CLIC5: variants seen among roughly 807,000 people sequenced by gnomAD.
The protein encoded by CLIC5 is chloride intracellular channel protein 5.
CLIC5 carries 20 observed loss-of-function variants against 24.7 expected under a neutral mutation model. The ratio of observed to expected loss-of-function variants is 0.81; its 90% CI spans 0.57 to 1.18. The LOEUF (loss-of-function observed/expected upper bound fraction) is 1.18. Among genes scored for constraint, CLIC5 ranks in the 50% most tolerant of loss-of-function variants. The pLI, the probability that CLIC5 is intolerant of heterozygous loss-of-function variation, is 0.00. For synonymous variants in CLIC5, 159 were observed against 135.6 expected, an observed-to-expected ratio of 1.17 and a Z score of -1.20; for missense variants, 341 against 326.1, an observed-to-expected ratio of 1.05 and a Z score of -0.35.
At chr6:46,077,290 C>T (rs573544936) in intron 1 of CLIC5, among the ~76,000 whole-genome samples, 1 of 152,122 alleles carries the variant, frequency 6.6e-6, no homozygotes, top group South Asian at 2.1e-4. Context: ...ACATTCTCAC[C>T]AACATGTCTA....
At chr6:45,930,425 G>A (rs1029043076) in intron 4 of CLIC5, among the ~76,000 whole-genome samples, 1 of 152,162 alleles carries the variant, frequency 6.6e-6, no homozygotes, top group Admixed American at 6.5e-5. Flanking sequence ...TGGTGGACAT[G>A]CCCTTCCCTT....
intron 1 of CLIC5, among the ~76,000 whole-genome samples, chr6:45,989,065 T>A (rs1765839467): frequency 6.6e-6 from 1 of 152,224 alleles, no homozygotes; most frequent in African/African-American, 2.4e-5. Flanking sequence ...GAAGTGCTGA[T>A]GTGCAGGATT....
intron 1 of CLIC5, among the ~76,000 whole-genome samples, chr6:46,026,093 G>A (rs1409852016): frequency 6.6e-6 from 1 of 152,116 alleles, no homozygotes; most frequent in African/African-American, 2.4e-5. Flanking sequence ...TCCCTGGTAT[G>A]GCATGAGCTC....
intron 3 of CLIC5, among the ~76,000 whole-genome samples, chr6:45,943,829 C>T (rs183160951): frequency 2.5e-4 from 38 of 152,210 alleles, no homozygotes; most frequent in Admixed American, 1.9e-3. Flanking sequence ...CACTAGGACT[C>T]GTTGTGATTT....
Position 45,927,100 on chromosome 6 carries a change from C to T in CLIC5, c.407-12691G>A, listed in dbSNP as rs1413329368. Among the ~76,000 whole-genome samples, 7 of 152,254 alleles carry T rather than the reference C, an allele frequency of 4.6e-5. No individual in the cohort carries two copies. The East Asian group carries it at 9.7e-4, about 21-fold the overall frequency. ...GGACGTGCCCGTGGCTCTGATGAGG[C>T]CCCGTCATCATCTCCCAAGCAAAGG... On this transcript the variant is annotated intron_variant, in intron 4 of 5. Transcript: ENST00000339561.
chr6:46,049,157 C>T (rs892474619), intron 1 of CLIC5, among the ~76,000 whole-genome samples: 1 of 152,168 alleles, frequency 6.6e-6, no homozygotes, highest in African/African-American at 2.4e-5. Context: ...TTAGGGGCTG[C>T]TCCACAGGAA....
chr6:46,088,780 A>C, the CLIC5 span, among the ~76,000 whole-genome samples: 2 of 152,194 alleles, frequency 1.3e-5, no homozygotes, highest in Admixed American at 6.5e-5. Flanking sequence ...AGAAGATTCA[A>C]AGATATCTTT....
upstream of CLIC5, among the ~76,000 whole-genome samples, chr6:46,083,013 T>G (rs999792059): frequency 2.6e-5 from 4 of 152,230 alleles, no homozygotes; most frequent in Admixed American, 6.5e-5. Flanking sequence ...ACGTATTTGT[T>G]GAATGAATTT....
the CLIC5 span, among the ~76,000 whole-genome samples, chr6:46,091,273 T>C: frequency 6.6e-6 from 1 of 152,214 alleles, no homozygotes; most frequent in African/African-American, 2.4e-5. Context: ...ACCAACCTCT[T>C]GCCACCACCA....
chr6:46,046,677 C>T (rs2127463070), intron 1 of CLIC5, among the ~76,000 whole-genome samples: 1 of 152,274 alleles, frequency 6.6e-6, no homozygotes, highest in African/African-American at 2.4e-5. Context: ...GTAGTTTTAG[C>T]ACTCTTTCTA....
At chr6:45,929,000 C>T (rs938754684) in intron 4 of CLIC5, among the ~76,000 whole-genome samples, 22 of 152,276 alleles carry the variant, frequency 1.4e-4, no homozygotes, top group African/African-American at 5.3e-4. Flanking sequence ...TCTGGTCAGA[C>T]AGCGGGAAAT....
upstream of CLIC5, among the ~76,000 whole-genome samples, chr6:46,019,058 T>C (rs1301860704): frequency 6.6e-6 from 1 of 150,906 alleles, no homozygotes; most frequent in African/African-American, 2.4e-5. Flanking sequence ...AAACAGCTAT[T>C]TGAGTTATAA....
chr6:46,033,371 A>C (rs2127456938), intron 1 of CLIC5, among the ~76,000 whole-genome samples: 1 of 152,218 alleles, frequency 6.6e-6, no homozygotes, highest in East Asian at 1.9e-4. Context: ...GTATTTGTAA[A>C]AATGGTTTCC....
Position 45,993,613 on chromosome 6 carries a change from G to A in CLIC5, c.63+21867C>T, listed in dbSNP as rs545968510. ...TCTCTTGCTACTCTGAGTAACTGTA[G>A]CACTACAAAAACACAGCATCATTCA... On this transcript the variant is annotated intron_variant, in intron 1 of 5. Transcript: ENST00000339561. Among the ~76,000 whole-genome samples the A allele has an allele frequency of 5.3e-5, 8 of 152,290 alleles. 1 individual carries two copies. In the South Asian group the frequency reaches 1.2e-3, roughly 24 times the overall value.
intron 1 of CLIC5, among the ~76,000 whole-genome samples, chr6:46,002,371 A>G (rs1423593348): frequency 1.3e-5 from 2 of 152,166 alleles, no homozygotes; most frequent in Admixed American, 1.3e-4. Context: ...ATCCTTGCAA[A>G]GATGATTTTC....
intron 3 of CLIC5, among the ~76,000 whole-genome samples, chr6:45,947,754 C>A (rs187645950): frequency 6.6e-6 from 1 of 152,172 alleles, no homozygotes; most frequent in Admixed American, 6.5e-5. Flanking sequence ...GGAGTCTGGG[C>A]TCCCTCAGGG....
At chr6:46,039,029 G>A (rs1767736722) in intron 1 of CLIC5, among the ~76,000 whole-genome samples, 1 of 151,908 alleles carries the variant, frequency 6.6e-6, no homozygotes, top group South Asian at 2.1e-4. Context: ...TATTTTAAAA[G>A]GATACAATCT....
intron 4 of CLIC5, among the ~76,000 whole-genome samples, chr6:45,915,224 G>C (rs536354168): frequency 6.6e-6 from 1 of 152,038 alleles, no homozygotes; most frequent in South Asian, 2.1e-4. Flanking sequence ...CACCATGCCT[G>C]GCCAATACTA....
chr6:46,065,245 T>G (rs1259892951), intron 1 of CLIC5, among the ~76,000 whole-genome samples: 1 of 152,014 alleles, frequency 6.6e-6, no homozygotes, highest in Admixed American at 6.6e-5. Flanking sequence ...TATTTATCAG[T>G]ATGCTTCAAA....
Sources: gnomAD v4.1 joint callset for allele counts (sites outside exome capture counted in the v4.1 genomes callset) on GRCh38, gnomAD v4.1.1 for gene constraint, MANE v1.5 for transcripts, NCBI Gene and HGNC (gene_info 2026-07-23, HGNC 2026-07-21) for gene names.